Variants in DOCK3 observed in about 807,000 individuals in gnomAD.
DOCK3 encodes dedicator of cytokinesis 3.
Under a neutral mutation model 265.6 loss-of-function variants are expected in DOCK3, and 60 were observed. That is an observed-to-expected ratio of 0.23 (90% CI 0.18 to 0.28). The LOEUF is 0.28. Among genes scored for constraint, DOCK3 ranks in the 10% least tolerant of loss-of-function variants. DOCK3 has a pLI of 1.00. For synonymous variants in DOCK3, 881 were observed against 938.0 expected (o/e 0.94, Z 1.11); for missense variants, 1,981 against 2,594.3 (o/e 0.76, Z 5.14).
intron 6 of DOCK3, among the ~76,000 whole-genome samples, chr3:51,068,140 A>G (rs1284867664): frequency 6.6e-6 from 1 of 152,212 alleles, no homozygotes; most frequent in Admixed American, 6.5e-5. Flanking sequence ...CCTTTTCAGA[A>G]TCTATTTCAG....
At chr3:51,347,189 G>C (rs2085643901) in intron 38 of DOCK3, among the ~76,000 whole-genome samples, 1 of 152,150 alleles carries the variant, frequency 6.6e-6, no homozygotes, top group African/African-American at 2.4e-5. Flanking sequence ...ATTGCTTTTG[G>C]TGTTTTAGTC....
At chr3:50,921,507 C>G (rs2050465217) in intron 4 of DOCK3, among the ~76,000 whole-genome samples, 1 of 152,220 alleles carries the variant, frequency 6.6e-6, no homozygotes, top group South Asian at 2.1e-4. Flanking sequence ...CCTCCTTTAG[C>G]TCGAAGAAGT....
chr3:51,362,446 GC>G, intron 48 of DOCK3, 80 bp from the exon 49 acceptor site: 1 of 1,569,072 alleles, frequency 6.4e-7, no homozygotes, highest in South Asian at 1.2e-5. Flanking sequence ...ACACCTCAGG[GC>G]ATGAAAAAGC....
At chr3:51,107,960 G>C (rs2083357238) in intron 9 of DOCK3, among the ~76,000 whole-genome samples, 1 of 151,996 alleles carries the variant, frequency 6.6e-6, no homozygotes, top group African/African-American at 2.4e-5. Context: ...CACCTACAAA[G>C]GGAAGCCCAT....
At chr3:50,776,663 A>G (rs181795569) in intron 1 of DOCK3, among the ~76,000 whole-genome samples, 5 of 152,118 alleles carry the variant, frequency 3.3e-5, no homozygotes, top group East Asian at 1.9e-4. Context: ...AATGTTCAGG[A>G]GAGTTTTTTT....
At position 51,000,753 on chromosome 3, in the gene DOCK3, A is replaced by G. The variant is rs548120687; in HGVS notation, c.316-63695A>G. ...CTGCAACCTCCGCCTCCTGGGTTCAAGCGATTCTCCTGCCTCAGCCTCCCG... is the reference window on the plus strand; with the variant it reads ...CTGCAACCTCCGCCTCCTGGGTTCAGGCGATTCTCCTGCCTCAGCCTCCCG... On this transcript the variant is annotated intron_variant, in intron 5 of 52. Coordinates refer to ENST00000266037, the MANE Select transcript of DOCK3 (RefSeq NM_004947.5). 1.6e-3 allele frequency among the ~76,000 whole-genome samples: 242 copies of G among 152,198 alleles called. 2 individuals are homozygous for G. Among genetic ancestry groups the G allele is most frequent in the African/African-American group, 5.5e-3 (229 of 41,532 alleles).
intron 21 of DOCK3, among the ~76,000 whole-genome samples, chr3:51,246,232 C>CT (rs34878916): frequency 0.78 from 101,685 of 130,694 alleles, 39,963 homozygotes; most frequent in South Asian, 0.85. Context: ...TTTAGGAAAA[C>CT]TTTTTTTTTT....
intron 3 of DOCK3, among the ~76,000 whole-genome samples, chr3:50,867,334 T>C (rs1175245538): frequency 6.6e-6 from 1 of 152,182 alleles, no homozygotes; most frequent in Non-Finnish European, 1.5e-5. Flanking sequence ...GTGGAGTCTT[T>C]AGGTTTTTCT....
At chr3:51,303,594 T>C (rs1484187277) in intron 27 of DOCK3, among the ~76,000 whole-genome samples, 3 of 152,238 alleles carry the variant, frequency 2.0e-5, no homozygotes, top group Non-Finnish European at 4.4e-5. Context: ...GATAGGGTTT[T>C]TGTGGGGACT....
chr3:50,798,218 A>C (rs2042894082), intron 2 of DOCK3, among the ~76,000 whole-genome samples: 1 of 152,242 alleles, frequency 6.6e-6, no homozygotes. Flanking sequence ...TTGAGGCAAG[A>C]GTCATACTTC....
At chr3:51,059,955 A>G (rs768816320) in intron 5 of DOCK3, among the ~76,000 whole-genome samples, 4 of 152,066 alleles carry the variant, frequency 2.6e-5, no homozygotes, top group South Asian at 2.1e-4. Context: ...ATTTTGTCAA[A>G]TCTTTTAAAA....
chr3:51,126,190 A>T (rs2084256753), intron 9 of DOCK3, among the ~76,000 whole-genome samples: 1 of 152,112 alleles, frequency 6.6e-6, no homozygotes, highest in Non-Finnish European at 1.5e-5. Flanking sequence ...TCATTCATTT[A>T]TTTATCTGAT....
At chr3:50,950,818 T>G (rs1445970574) in intron 5 of DOCK3, among the ~76,000 whole-genome samples, 1 of 152,166 alleles carries the variant, frequency 6.6e-6, no homozygotes, top group Non-Finnish European at 1.5e-5. Flanking sequence ...ATTGCAATGT[T>G]ACAGTTGTTT....
At chr3:50,700,463 A>AT (rs1217636247) in intron 1 of DOCK3, among the ~76,000 whole-genome samples, 3 of 152,062 alleles carry the variant, frequency 2.0e-5, no homozygotes, top group African/African-American at 7.2e-5. Flanking sequence ...GGTAACCATC[A>AT]TTCTACTCTC....
At chr3:50,933,698 A>G (rs2051195628) in intron 4 of DOCK3, among the ~76,000 whole-genome samples, 1 of 152,174 alleles carries the variant, frequency 6.6e-6, no homozygotes, top group Admixed American at 6.5e-5. Flanking sequence ...TCATTGAAGG[A>G]AAAAAGCTTA....
At chr3:51,116,753 G>T (rs1264092444) in intron 9 of DOCK3, among the ~76,000 whole-genome samples, 2 of 152,038 alleles carry the variant, frequency 1.3e-5, no homozygotes, top group African/African-American at 2.4e-5. Context: ...TCGTGATTTG[G>T]CTCTCTATTT....
chr3:51,051,278 A>T (rs73085266), intron 5 of DOCK3, among the ~76,000 whole-genome samples: 1 of 152,358 alleles, frequency 6.6e-6, no homozygotes, highest in Non-Finnish European at 1.5e-5. Flanking sequence ...AAGGATTATT[A>T]TTTATTATTA....
At chr3:50,772,583 T>G (rs541571287) in intron 1 of DOCK3, among the ~76,000 whole-genome samples, 31 of 152,250 alleles carry the variant, frequency 2.0e-4, no homozygotes, top group African/African-American at 6.5e-4. Flanking sequence ...CTACTGTGTA[T>G]CCACAAAAAT....
chr3:50,705,032 AT>A (rs34158054), intron 1 of DOCK3, among the ~76,000 whole-genome samples: 3,569 of 136,588 alleles, frequency 0.026, 172 homozygotes, highest in African/African-American at 0.092. Flanking sequence ...TTGTTTTCTG[AT>A]TTTTTTTTTT....
Sources: gnomAD v4.1 joint callset for allele counts (sites outside exome capture counted in the v4.1 genomes callset) on GRCh38, gnomAD v4.1.1 for gene constraint, MANE v1.5 for transcripts, NCBI Gene and HGNC (gene_info 2026-07-23, HGNC 2026-07-21) for gene names.